Variants in TBC1D9 observed in about 807,000 individuals in gnomAD.
TBC1D9 encodes the protein TBC1 domain family member 9A.
In TBC1D9, 63 loss-of-function variants were observed where a neutral mutation model predicts 132.0. The ratio of observed to expected loss-of-function variants is 0.48; its 90% CI spans 0.39 to 0.59. The LOEUF is 0.59. Among genes scored for constraint, TBC1D9 ranks in the 20% least tolerant of loss-of-function variants. The pLI is 0.00. For synonymous variants in TBC1D9, 610 were observed against 609.9 expected (o/e 1.00, Z 0.00); for missense variants, 1,261 against 1,592.7 (o/e 0.79, Z 3.54).
chr4:140,643,181 C>T lies in TBC1D9; in HGVS notation c.2338-3753G>A. On this transcript the variant is annotated intron_variant, in intron 13 of 20. Coordinates refer to ENST00000442267, the MANE Select transcript of TBC1D9 (RefSeq NM_015130.3). ...TGTGGCTGCCGGCTGCCAGCAGGCT[C>T]TCCAGTGAGGGCCGAGCCACCAGGG... 1.1e-5 allele frequency: 16 copies of T among 1,433,942 alleles called. No homozygotes were observed. The South Asian group carries it at 1.8e-4, about 17-fold the overall frequency. The allele number at this position is 1,433,942 out of a possible 1,614,324, so 88.8% of individuals were successfully genotyped here.
chr4:140,712,449 A>AATATATATATATATATATATATAT (rs10530134), intron 1 of TBC1D9, among the ~76,000 whole-genome samples: 1,071 of 102,638 alleles, frequency 0.01, 64 homozygotes, highest in Non-Finnish European at 0.012. Flanking sequence ...AAAAAAAAAG[A>AATATATATATATATATATATATAT]ATATATATAT....
chr4:140,649,391 T>G lies in TBC1D9; in HGVS notation c.2337+7706A>C, dbSNP rs568649431. 2.0e-5 allele frequency among the ~76,000 whole-genome samples: 3 copies of G among 152,224 alleles called. No homozygotes were observed. In the South Asian group the frequency reaches 6.2e-4, roughly 32 times the overall value. On this transcript the variant is annotated intron_variant, in intron 13 of 20. Coordinates refer to ENST00000442267, the MANE Select transcript of TBC1D9 (RefSeq NM_015130.3). ...GGGGTTATTTTCCCAGTATGCAGAA[T>G]GGGGTTCACTACTGTTAGCAGAAGG...
intron 9 of TBC1D9, 63 bp downstream of exon 9, chr4:140,668,854 G>C: frequency 6.3e-7 from 1 of 1,576,608 alleles, no homozygotes; most frequent in Non-Finnish European, 8.6e-7. Flanking sequence ...TGAAGGCACA[G>C]GGAGGCCCTG....
At chr4:140,635,327 T>G (rs1736861386) in intron 15 of TBC1D9, among the ~76,000 whole-genome samples, 1 of 151,652 alleles carries the variant, frequency 6.6e-6, no homozygotes. Flanking sequence ...AAAAAAAGTT[T>G]AAAAAGTAGC....
At position 140,620,900 on chromosome 4, in the gene TBC1D9, T is replaced by TA. The variant is rs553084702; in HGVS notation, c.*1294dup. ...AATAAAAAACAACAGCAGCAATAGC[T>TA]AAAAAAAGGACACAATGTATAATAA... is the stretch of plus-strand genomic sequence containing the variant. On this transcript the variant is annotated 3_prime_UTR_variant, in exon 21 of 21. Transcript: ENST00000442267. 4.6e-5 allele frequency: 7 copies of TA among 152,240 alleles called. No homozygotes were observed. Among genetic ancestry groups the TA allele is most frequent in the Non-Finnish European group, 7.4e-5 (5 of 67,958 alleles). The allele number at this position is 152,240 out of a possible 1,614,324, so 9.4% of individuals were successfully genotyped here.
intron 2 of TBC1D9, among the ~76,000 whole-genome samples, chr4:140,687,321 A>ATGTGTGTGTG (rs138113974): frequency 1.6e-4 from 16 of 97,454 alleles, no homozygotes; most frequent in African/African-American, 5.3e-4. Context: ...ATATATATAT[A>ATGTGTGTGTG]TGTGTGTGTG....
chr4:140,649,025 A>T (rs1560873096), intron 13 of TBC1D9, among the ~76,000 whole-genome samples: 1 of 152,354 alleles, frequency 6.6e-6, no homozygotes, highest in African/African-American at 2.4e-5. Flanking sequence ...CCGGGAAGAC[A>T]AGGATGGATG....
chr4:140,712,272 T>C (rs1255154593), intron 1 of TBC1D9: 3 of 150,136 alleles, frequency 2.0e-5, no homozygotes, highest in East Asian at 4.0e-4. Flanking sequence ...AGTTCATCAA[T>C]GCTACAAACT....
chr4:140,638,522 A>G (rs951767424), intron 15 of TBC1D9, among the ~76,000 whole-genome samples: 4 of 151,540 alleles, frequency 2.6e-5, no homozygotes, highest in Admixed American at 2.6e-4. Flanking sequence ...AAAAAAAAAG[A>G]AAAAAGAAAA....
intron 1 of TBC1D9, 30 bp downstream of exon 1, chr4:140,755,886 C>T (rs1304838547): frequency 6.6e-7 from 1 of 1,512,046 alleles, no homozygotes; most frequent in African/African-American, 1.4e-5. Flanking sequence ...TCCCGGCTCC[C>T]CTCCTGCAGG....
In TBC1D9 at chr4:140,634,060, G is replaced by A. The variant is rs1212934946; in HGVS notation, c.2634C>T (p.Leu878=). 1 of 1,614,040 alleles carries A rather than the reference G, an allele frequency of 6.2e-7. No homozygotes were observed. The highest frequency in any genetic ancestry group is 1.3e-5 in the African/African-American group (1 of 75,066). ...AGTGAGTTCCACATGCCCAAGGAAA[G>A]AGAAGAGCAAACATTCCCTTGAACT... ...FEQFKGMFAL[L]FPWACGTHSD... The change falls in exon 16 of 21, where the codon CTC becomes CTT. Residue 878 remains leucine (L), a synonymous_variant. Coordinates refer to ENST00000442267, the MANE Select transcript of TBC1D9 (RefSeq NM_015130.3).
intron 6 of TBC1D9, among the ~76,000 whole-genome samples, chr4:140,675,087 C>T (rs565829244): frequency 2.3e-3 from 345 of 152,132 alleles, no homozygotes; most frequent in Admixed American, 4.8e-3. Flanking sequence ...AATAAAAATT[C>T]CCTATAAAGT....
intron 13 of TBC1D9, chr4:140,645,460 G>A (rs1033723842): frequency 2.4e-6 from 1 of 412,190 alleles, no homozygotes; most frequent in African/African-American, 2.1e-5. Flanking sequence ...TTCAGCTGCG[G>A]GCCCCTGCCC....
At chr4:140,624,006 C>G in intron 20 of TBC1D9, 110 bp downstream of exon 20, 1 of 619,670 alleles carries the variant, frequency 1.6e-6, no homozygotes, top group Non-Finnish European at 2.5e-6. Flanking sequence ...AGTAAAGGCC[C>G]CAGTTATTAT....
At chr4:140,704,227 T>C (rs927103427) in intron 1 of TBC1D9, among the ~76,000 whole-genome samples, 2 of 151,648 alleles carry the variant, frequency 1.3e-5, no homozygotes, top group Non-Finnish European at 2.9e-5. Flanking sequence ...GTGAACACCC[T>C]TCCCCATTAA....
chr4:140,666,734 TAA>T (rs35117175), intron 9 of TBC1D9, among the ~76,000 whole-genome samples: 1 of 145,578 alleles, frequency 6.9e-6, no homozygotes, highest in Admixed American at 6.8e-5. Flanking sequence ...GTGAATATAC[TAA>T]AAAAAAAAAA....
At chr4:140,662,595 G>A (rs964092623) in intron 9 of TBC1D9, among the ~76,000 whole-genome samples, 1 of 152,196 alleles carries the variant, frequency 6.6e-6, no homozygotes, top group African/African-American at 2.4e-5. Context: ...GCTCTGAAGG[G>A]TTTAATAGCC....
intron 1 of TBC1D9, among the ~76,000 whole-genome samples, chr4:140,732,902 G>A (rs1738616807): frequency 6.6e-6 from 1 of 152,090 alleles, no homozygotes; most frequent in Admixed American, 6.6e-5. Context: ...TATACATCAT[G>A]GTGACACTGT....
At chr4:140,667,998 T>G in intron 9 of TBC1D9, among the ~76,000 whole-genome samples, 1 of 152,224 alleles carries the variant, frequency 6.6e-6, no homozygotes, top group African/African-American at 2.4e-5. Context: ...ATAGCATTTG[T>G]GTCAGACCAT....
Sources: allele counts gnomAD v4.1 joint callset (sites outside exome capture counted in the v4.1 genomes callset), GRCh38; gene constraint gnomAD v4.1.1; transcripts MANE v1.5; gene names NCBI Gene and HGNC (gene_info 2026-07-23, HGNC 2026-07-21).